CTNNA2: variants seen among roughly 807,000 people sequenced by gnomAD.
The protein encoded by CTNNA2 is catenin alpha 2.
In CTNNA2, 42 loss-of-function variants were observed where a neutral mutation model predicts 101.0. That is an observed-to-expected ratio of 0.42 (90% CI 0.32 to 0.54). The LOEUF (loss-of-function observed/expected upper bound fraction) is 0.54. Among genes scored for constraint, CTNNA2 ranks in the 20% least tolerant of loss-of-function variants. The pLI is 0.14. For missense variants in CTNNA2, 871 were observed against 1,223.1 expected (o/e 0.71, Z 4.29); for synonymous variants, 450 against 456.4 (o/e 0.99, Z 0.18).
At chr2:79,277,602 T>C (rs1573016239) in intron 2 of CTNNA2, among the ~76,000 whole-genome samples, 1 of 152,234 alleles carries the variant, frequency 6.6e-6, no homozygotes, top group East Asian at 1.9e-4. Context: ...TTACAAAAGT[T>C]CTATGACATA....
At chr2:80,244,920 C>CGA (rs1671207461) in intron 7 of CTNNA2, among the ~76,000 whole-genome samples, 1 of 152,072 alleles carries the variant, frequency 6.6e-6, no homozygotes, top group East Asian at 1.9e-4. Context: ...GACCTACAAG[C>CGA]GAGAGCCAGG....
rs543407882 is a variant in CTNNA2 at position 79,976,523 on chromosome 2, A to T, written c.1056+66726A>T. Among the ~76,000 whole-genome samples the T allele has an allele frequency of 2.0e-5, 3 of 152,272 alleles. No individual in the cohort carries two copies. In the East Asian group the frequency reaches 5.8e-4, roughly 29 times the overall value. ...CCTTTCCATCAGTGCAAGTTCAAAT[A>T]TTGCTGTCCCAGTGGATTAAAAGTT... On this transcript the variant is annotated intron_variant, in intron 7 of 18. Coordinates refer to ENST00000402739, the MANE Select transcript of CTNNA2 (RefSeq NM_001282597.3).
chr2:80,087,891 C>T (rs1206196365), intron 7 of CTNNA2, among the ~76,000 whole-genome samples: 1 of 151,942 alleles, frequency 6.6e-6, no homozygotes, highest in Non-Finnish European at 1.5e-5. Flanking sequence ...TCTCCCTAGT[C>T]TCACTTTATC....
intron 7 of CTNNA2, among the ~76,000 whole-genome samples, chr2:80,115,353 A>G (rs1017103643): frequency 6.6e-6 from 1 of 152,188 alleles, no homozygotes; most frequent in Admixed American, 6.5e-5. Flanking sequence ...ACTTATGATA[A>G]TTGGTTGAGA....
At chr2:79,446,384 A>T (rs1381643393) in intron 4 of CTNNA2, among the ~76,000 whole-genome samples, 2 of 152,074 alleles carry the variant, frequency 1.3e-5, no homozygotes, top group African/African-American at 4.8e-5. Flanking sequence ...TTAGAAAAAA[A>T]CTTCTACTCA....
At chr2:80,274,496 G>C (rs1283973396) in intron 7 of CTNNA2, among the ~76,000 whole-genome samples, 3 of 152,132 alleles carry the variant, frequency 2.0e-5, no homozygotes, top group Non-Finnish European at 4.4e-5. Context: ...ACTCTTCTCT[G>C]CTTCTATTCT....
At chr2:80,588,015 T>G (rs1321028653) in intron 14 of CTNNA2, among the ~76,000 whole-genome samples, 1 of 152,224 alleles carries the variant, frequency 6.6e-6, no homozygotes, top group Non-Finnish European at 1.5e-5. Context: ...TAATCATTGG[T>G]CCTAGGGGAA....
At chr2:79,539,224 G>A (rs1673257245) in intron 1 of CTNNA2, among the ~76,000 whole-genome samples, 1 of 152,096 alleles carries the variant, frequency 6.6e-6, no homozygotes, top group Admixed American at 6.5e-5. Context: ...TAATAGGAGT[G>A]AGGCATGCAA....
chr2:79,794,333 T>C (rs2105267165), intron 3 of CTNNA2, among the ~76,000 whole-genome samples: 1 of 152,316 alleles, frequency 6.6e-6, no homozygotes, highest in South Asian at 2.1e-4. Flanking sequence ...TTGCCTTTAC[T>C]TTTAATGGCA....
chr2:80,305,274 T>C, intron 7 of CTNNA2: 1 of 985,318 alleles, frequency 1.0e-6, no homozygotes, highest in Non-Finnish European at 1.2e-6. Context: ...CCCACCTAGT[T>C]TGGGAAGCCA....
At chr2:79,725,426 A>T (rs1171594013) in intron 2 of CTNNA2, among the ~76,000 whole-genome samples, 1 of 152,166 alleles carries the variant, frequency 6.6e-6, no homozygotes, top group Admixed American at 6.5e-5. Context: ...GTAAGTGCCT[A>T]TCAAAAAATC....
intron 2 of CTNNA2, among the ~76,000 whole-genome samples, chr2:79,246,552 A>C (rs1183678210): frequency 1.3e-5 from 2 of 152,092 alleles, no homozygotes; most frequent in African/African-American, 4.8e-5. Flanking sequence ...TGGGACCTAG[A>C]GGTCTTTTTG....
In CTNNA2 at chr2:80,164,950, T is replaced by TTGTTTGTTTTG. The variant is rs1553461430; in HGVS notation, c.1057-228260_1057-228259insGTTTGTTTTGT. 2.3e-3 allele frequency among the ~76,000 whole-genome samples: 345 copies of TTGTTTGTTTTG among 148,842 alleles called. 3 individuals carry two copies. Among genetic ancestry groups the TTGTTTGTTTTG allele is most frequent in the African/African-American group, 8.2e-3 (326 of 39,728 alleles). ...TTTCCCAACTTTTGGTTTTTTTTTTTTTTTTTTCTAGATAAGACTTGTATT... is the reference window on the plus strand; with the variant it reads ...TTTCCCAACTTTTGGTTTTTTTTTTTTGTTTGTTTTGTTTTTTTCTAGATAAGACTTGTATT... On this transcript the variant is annotated intron_variant, in intron 7 of 18. Transcript: ENST00000402739.
intron 7 of CTNNA2, among the ~76,000 whole-genome samples, chr2:80,378,281 A>G (rs1306620313): frequency 6.6e-6 from 1 of 151,892 alleles, no homozygotes; most frequent in African/African-American, 2.4e-5. Context: ...ACTTGAACGC[A>G]GGAGACGGAG....
intron 9 of CTNNA2, among the ~76,000 whole-genome samples, chr2:80,464,978 T>C (rs1410218917): frequency 6.6e-6 from 1 of 152,186 alleles, no homozygotes; most frequent in African/African-American, 2.4e-5. Context: ...ATTCATGGCA[T>C]AAACCCTCAT....
chr2:80,238,620 GTCCCATA>G (rs1709666508), intron 7 of CTNNA2, among the ~76,000 whole-genome samples: 1 of 152,142 alleles, frequency 6.6e-6, no homozygotes, highest in Non-Finnish European at 1.5e-5. Flanking sequence ...TTCCTGACAA[GTCCCATA>G]GCTTAACTGG....
chr2:80,281,869 C>A (rs964613210), intron 7 of CTNNA2, among the ~76,000 whole-genome samples: 1 of 151,550 alleles, frequency 6.6e-6, no homozygotes, highest in African/African-American at 2.4e-5. Context: ...GCATTAAATT[C>A]TCTTATCTTT....
At chr2:80,142,604 A>AT (rs753266696) in intron 7 of CTNNA2, among the ~76,000 whole-genome samples, 3 of 152,194 alleles carry the variant, frequency 2.0e-5, no homozygotes, top group African/African-American at 4.8e-5. Context: ...TGTAGCTGAG[A>AT]TATTTTCCCA....
At chr2:79,359,478 T>C (rs1487149863) in intron 3 of CTNNA2, among the ~76,000 whole-genome samples, 1 of 152,158 alleles carries the variant, frequency 6.6e-6, no homozygotes, top group African/African-American at 2.4e-5. Context: ...ATTCACATGT[T>C]ATAATGCCAT....
Sources: allele counts gnomAD v4.1 joint callset (sites outside exome capture counted in the v4.1 genomes callset), GRCh38; gene constraint gnomAD v4.1.1; transcripts MANE v1.5; gene names NCBI Gene and HGNC (gene_info 2026-07-23, HGNC 2026-07-21).